The following GSE1 variants were observed in gnomAD, a reference collection of about 807,000 sequenced individuals.
GSE1 encodes Gse1 coiled-coil protein, also known as genetic suppressor element 1.
Under a neutral mutation model 112.6 loss-of-function variants are expected in GSE1, and 32 were observed. The observed-to-expected ratio is 0.28, with a 90% CI of 0.21 to 0.38. The LOEUF (loss-of-function observed/expected upper bound fraction) is 0.38. Ranked by LOEUF, GSE1 falls within the 10% of genes least tolerant of loss-of-function variation. The pLI is 1.00. For missense variants in GSE1, 2,348 were observed against 1,699.2 expected, an observed-to-expected ratio of 1.38 and a Z score of -6.71; for synonymous variants, 1,115 against 735.6, an observed-to-expected ratio of 1.52 and a Z score of -8.35.
chr16:85,523,212 GTGGC>G (rs2052248989), intron 2 of GSE1, among the ~76,000 whole-genome samples: 1 of 151,264 alleles, frequency 6.6e-6, no homozygotes, highest in African/African-American at 2.4e-5. Flanking sequence ...ACGTGTGCCT[GTGGC>G]TGTGTGTCCC....
intron 1 of GSE1, among the ~76,000 whole-genome samples, chr16:85,242,623 A>G (rs1597169392): frequency 6.6e-6 from 1 of 152,166 alleles, no homozygotes; most frequent in African/African-American, 2.4e-5. Context: ...GCCCCTGCCC[A>G]AAGCAGGGAG....
In GSE1 at chr16:85,311,649, T is replaced by C. The variant is rs76400994; in HGVS notation, c.2284-45814T>C. Among the ~76,000 whole-genome samples the C allele has an allele frequency of 9.5e-3, 1,452 of 152,286 alleles. 28 individuals are homozygous for C. Among genetic ancestry groups the C allele is most frequent in the African/African-American group, 0.033 (1,377 of 41,574 alleles). On this transcript the variant is annotated intron_variant, in intron 1 of 2. Transcript: ENST00000637419. The surrounding 1 kb of genome is among the most constrained non-coding windows in gnomAD (Gnocchi z 4.2). The stretch of plus-strand genomic sequence containing the variant: ...TCCTTCTCCAGGGCCCCTTGGGCTG[T>C]GTACCTGGGCCTGGTGGCTCTGTCT...
At chr16:85,585,057 C>T (rs1012957719) in intron 1 of GSE1, among the ~76,000 whole-genome samples, 10 of 151,752 alleles carry the variant, frequency 6.6e-5, no homozygotes, top group African/African-American at 1.7e-4. Context: ...CTTTCACTGA[C>T]GGGAAAGAAA....
rs1403888820 is a variant in GSE1 at position 85,654,165 on chromosome 16, C to G, written c.427-113C>G. ...AGAAAGCCTTAGGGAAAGGATGTTT[C>G]TAGAACATGAACTAAATCTAGCGCC... On this transcript the variant is annotated intron_variant, in intron 3 of 15. Coordinates refer to ENST00000253458, the MANE Select transcript of GSE1 (RefSeq NM_014615.5). 3 of 969,328 alleles carry G rather than the reference C, an allele frequency of 3.1e-6. No individual in the cohort carries two copies. The South Asian group carries it at 4.9e-5, about 16-fold the overall frequency. 60.0% of individuals were successfully genotyped at this position (969,328 alleles called of 1,614,324 possible).
chr16:85,447,892 A>T (rs1242514829), intron 2 of GSE1, among the ~76,000 whole-genome samples: 1 of 152,206 alleles, frequency 6.6e-6, no homozygotes, highest in African/African-American at 2.4e-5. Flanking sequence ...TGACTTGCCC[A>T]GGGTCACACA....
chr16:85,587,107 G>A (rs994698701), intron 1 of GSE1, among the ~76,000 whole-genome samples: 1 of 151,896 alleles, frequency 6.6e-6, no homozygotes, highest in South Asian at 2.1e-4. Context: ...ATGGGCCTCG[G>A]CCTCTGGCGG....
At chr16:85,336,911 C>G (rs1329597375) in intron 1 of GSE1, among the ~76,000 whole-genome samples, 1 of 152,260 alleles carries the variant, frequency 6.6e-6, no homozygotes. Flanking sequence ...TTCGTGTACA[C>G]GCATGCCCAC....
chr16:85,414,699 A>T (rs576787800), intron 2 of GSE1, among the ~76,000 whole-genome samples: 1 of 152,332 alleles, frequency 6.6e-6, no homozygotes, highest in Admixed American at 6.5e-5. Flanking sequence ...CAATGTTGCG[A>T]TCTTGGCTCA....
rs370089423 is a variant in GSE1, at chr16:85,666,127, C to T, written c.2910C>T (p.Ser970=). ...LSRVQELAPA[S]GEKARLSEAP... ...GAGTCCAGGAGCTAGCTCCTGCCAG[C>T]GGGGAGAAGGCCAGGCTGAGCGAGG... Residue 970 remains serine, a synonymous_variant, in exon 13 of 16, where the codon AGC becomes AGT. Transcript: ENST00000253458. 2.2e-5 allele frequency: 35 copies of T among 1,613,094 alleles called. No homozygotes were observed. Among genetic ancestry groups the T allele is most frequent in the South Asian group, 5.5e-5 (5 of 91,074 alleles).
At chr16:85,492,262 C>T (rs1186004935) in intron 2 of GSE1, among the ~76,000 whole-genome samples, 1 of 152,190 alleles carries the variant, frequency 6.6e-6, no homozygotes, top group Non-Finnish European at 1.5e-5. Flanking sequence ...TGGGAGCCGC[C>T]CCCGTCGGCC....
intron 1 of GSE1, among the ~76,000 whole-genome samples, chr16:85,342,270 A>G (rs1349736100): frequency 6.6e-6 from 1 of 152,154 alleles, no homozygotes; most frequent in Non-Finnish European, 1.5e-5. Flanking sequence ...ATTTCTATCA[A>G]CTTCAATTAG....
At chr16:85,633,736 A>T (rs1366840892) in intron 1 of GSE1, among the ~76,000 whole-genome samples, 178 bp from the exon 2 acceptor site, 1 of 151,906 alleles carries the variant, frequency 6.6e-6, no homozygotes, top group Non-Finnish European at 1.5e-5. Context: ...GACTCTGGGG[A>T]CGGGGTCTGT....
chr16:85,247,130 T>G (rs1422124404), intron 1 of GSE1, among the ~76,000 whole-genome samples: 3 of 152,140 alleles, frequency 2.0e-5, no homozygotes, highest in Non-Finnish European at 4.4e-5. Context: ...TCTCTCTTTC[T>G]TCTGTTTCCA....
At chr16:85,263,733 C>T (rs1907949658) in intron 1 of GSE1, among the ~76,000 whole-genome samples, 1 of 152,228 alleles carries the variant, frequency 6.6e-6, no homozygotes, top group African/African-American at 2.4e-5. Context: ...ACACCACACC[C>T]AGCTAATTTT....
intron 2 of GSE1, among the ~76,000 whole-genome samples, chr16:85,525,506 C>T (rs1384005599): frequency 2.0e-5 from 3 of 152,346 alleles, no homozygotes; most frequent in African/African-American, 7.2e-5. Context: ...GCTCATGATG[C>T]CCAGCCAGCC....
intron 1 of GSE1, among the ~76,000 whole-genome samples, chr16:85,201,545 G>A (rs554710721): frequency 6.6e-5 from 10 of 151,920 alleles, no homozygotes; most frequent in African/African-American, 2.4e-4. Flanking sequence ...CCAGCTACTC[G>A]GGAGGCTAAG....
chr16:85,516,034 C>T (rs149627849), intron 2 of GSE1, among the ~76,000 whole-genome samples: 133 of 152,254 alleles, frequency 8.7e-4, no homozygotes, highest in Middle Eastern at 6.8e-3. Flanking sequence ...TGGCAGCAGC[C>T]GAGGCTGGGA....
intron 2 of GSE1, among the ~76,000 whole-genome samples, chr16:85,430,730 A>G (rs767792321): frequency 2.0e-5 from 3 of 152,196 alleles, no homozygotes; most frequent in Non-Finnish European, 4.4e-5. Context: ...TCTGAAGGGC[A>G]CCGCTGGGGA....
intron 1 of GSE1, among the ~76,000 whole-genome samples, chr16:85,280,884 C>A (rs1204767483): frequency 6.6e-6 from 1 of 152,152 alleles, no homozygotes; most frequent in African/African-American, 2.4e-5. Context: ...AGAACATCGG[C>A]GGTGACAAGG....
Sources: gnomAD v4.1 joint callset for allele counts (sites outside exome capture counted in the v4.1 genomes callset) on GRCh38, gnomAD v4.1.1 for gene constraint, Gnocchi (gnomAD v3.1) non-coding constraint, MANE v1.5 for transcripts, NCBI Gene and HGNC (gene_info 2026-07-23, HGNC 2026-07-21) for gene names.